Variants in KIF21A observed in about 807,000 individuals in gnomAD.
The protein encoded by KIF21A is kinesin-like protein KIF21A.
Under a neutral mutation model 202.9 loss-of-function variants are expected in KIF21A, and 114 were observed. That is an observed-to-expected ratio of 0.56 (90% CI 0.48 to 0.66). KIF21A has a LOEUF of 0.66. KIF21A is among the 30% of genes least tolerant of loss of function. KIF21A has a pLI of 0.00. For synonymous variants in KIF21A, 667 were observed against 670.8 expected (o/e 0.99, Z 0.09); for missense variants, 1,677 against 1,994.9 (o/e 0.84, Z 3.04).
chr12:39,348,327 T>C (rs1948077344), intron 11 of KIF21A, among the ~76,000 whole-genome samples: 1 of 152,134 alleles, frequency 6.6e-6, no homozygotes, highest in African/African-American at 2.4e-5. Context: ...AACTGAAAGA[T>C]ATGCCACATA....
chr12:39,429,022 TTAAATA>T (rs1954982390), intron 1 of KIF21A, among the ~76,000 whole-genome samples: 1 of 151,972 alleles, frequency 6.6e-6, no homozygotes, highest in Admixed American at 6.6e-5. Flanking sequence ...CACTTATAGT[TTAAATA>T]TAAAGTATGT....
chr12:39,351,652 C>A (rs961962434), intron 11 of KIF21A, 125 bp downstream of exon 11: 2 of 631,622 alleles, frequency 3.2e-6, no homozygotes, highest in Non-Finnish European at 5.5e-6. Context: ...GTAGTTTCAG[C>A]TAACATAGTG....
chr12:39,392,312 G>A (rs1951429274), intron 1 of KIF21A, among the ~76,000 whole-genome samples: 1 of 152,122 alleles, frequency 6.6e-6, no homozygotes. Flanking sequence ...ATAAATATAT[G>A]TCTGGCTCTT....
At chr12:39,396,361 G>T (rs928903749) in intron 1 of KIF21A, among the ~76,000 whole-genome samples, 5 of 152,128 alleles carry the variant, frequency 3.3e-5, no homozygotes, top group African/African-American at 1.2e-4. Flanking sequence ...TACACCATGA[G>T]ATCCCTAAGG....
At chr12:39,311,722 A>G in intron 31 of KIF21A, 169 bp from the exon 32 acceptor site, 1 of 670,914 alleles carries the variant, frequency 1.5e-6, no homozygotes, top group Non-Finnish European at 2.6e-6. Context: ...TGAAATAATA[A>G]TAGTGATGGA....
chr12:39,432,711 A>G (rs1039325237), intron 1 of KIF21A, among the ~76,000 whole-genome samples: 1 of 152,032 alleles, frequency 6.6e-6, no homozygotes, highest in African/African-American at 2.4e-5. Context: ...CCCGAGTTCA[A>G]GTGATTCTCT....
At chr12:39,346,185 A>G (rs1430603388) in intron 12 of KIF21A, among the ~76,000 whole-genome samples, 1 of 152,038 alleles carries the variant, frequency 6.6e-6, no homozygotes, top group Non-Finnish European at 1.5e-5. Context: ...TTTATCCTAC[A>G]AAAGGTAAGT....
chr12:39,299,339 G>GC (rs1942738868), intron 37 of KIF21A, among the ~76,000 whole-genome samples: 1 of 152,028 alleles, frequency 6.6e-6, no homozygotes, highest in Non-Finnish European at 1.5e-5. Flanking sequence ...CATACATGCC[G>GC]CTAACTAGAA....
Position 39,414,875 on chromosome 12 carries a change from T to C in KIF21A, c.44+28052A>G, listed in dbSNP as rs1461663878. Among the ~76,000 whole-genome samples, 3 of 152,022 alleles carry C rather than the reference T, an allele frequency of 2.0e-5. 1 individual carries two copies. The highest frequency in any genetic ancestry group is 6.8e-3 in the Middle Eastern group (2 of 294). ...ATAACATGATGAAGATTACTTACTA[T>C]ATACAAGGTTCTGTGCTAAACATTC... On this transcript the variant is annotated intron_variant, in intron 1 of 37. Coordinates refer to ENST00000361418, the MANE Select transcript of KIF21A (RefSeq NM_001173464.2).
intron 1 of KIF21A, among the ~76,000 whole-genome samples, chr12:39,412,496 C>T (rs905133155): frequency 2.6e-5 from 4 of 152,078 alleles, no homozygotes; most frequent in Non-Finnish European, 4.4e-5. Context: ...GTGGGCAGAT[C>T]GCTCGAGCTC....
At chr12:39,385,951 C>A (rs1159707824) in intron 1 of KIF21A, among the ~76,000 whole-genome samples, 1 of 152,158 alleles carries the variant, frequency 6.6e-6, no homozygotes, top group African/African-American at 2.4e-5. Context: ...CTGTACTTTA[C>A]AATTATCCCA....
intron 27 of KIF21A, 31 bp downstream of exon 27, chr12:39,322,637 A>C: frequency 6.4e-7 from 1 of 1,551,556 alleles, no homozygotes. Flanking sequence ...AGCCAAAAGA[A>C]AAGAAGTTAG....
chr12:39,372,940 G>A (rs549945534), intron 1 of KIF21A, among the ~76,000 whole-genome samples: 1 of 152,140 alleles, frequency 6.6e-6, no homozygotes, highest in South Asian at 2.1e-4. Flanking sequence ...TCTAATCTAA[G>A]AGCTATTCTC....
At chr12:39,315,999 G>C (rs995840894) in intron 29 of KIF21A, 29 bp from the exon 30 acceptor site, 3 of 1,517,320 alleles carry the variant, frequency 2.0e-6, no homozygotes, top group Non-Finnish European at 2.7e-6. Flanking sequence ...AATTATGAGA[G>C]AAAGAATACA....
chr12:39,443,114 G>C lies in KIF21A; in HGVS notation c.-144C>G. The C allele has an allele frequency of 1.3e-6, 1 of 799,778 alleles. No homozygotes were observed. The highest frequency in any genetic ancestry group is 1.8e-6 in the Non-Finnish European group (1 of 555,498). The allele number at this position is 799,778 out of a possible 1,614,324, so 49.5% of individuals were successfully genotyped here. A position where few individuals can be genotyped will look rare whatever the true frequency, so the allele number is the denominator to read the frequency against. ...CCTCCGCCGCGCTCCAGCCATGTTGGGCGACTGAATGGAAAGGTGGCGGCG... is the reference window on the plus strand; with the variant it reads ...CCTCCGCCGCGCTCCAGCCATGTTGCGCGACTGAATGGAAAGGTGGCGGCG... On this transcript the variant is annotated 5_prime_UTR_variant, in exon 1 of 38. Transcript: ENST00000361418.
intron 12 of KIF21A, among the ~76,000 whole-genome samples, chr12:39,342,903 C>T (rs184110825): frequency 2.6e-5 from 4 of 152,184 alleles, no homozygotes; most frequent in Admixed American, 2.6e-4. Context: ...TTAATTCAGC[C>T]CTGGTGGCCC....
At chr12:39,438,057 G>C (rs1210875846) in intron 1 of KIF21A, among the ~76,000 whole-genome samples, 1 of 152,130 alleles carries the variant, frequency 6.6e-6, no homozygotes, top group Non-Finnish European at 1.5e-5. Context: ...TCAGAAACCT[G>C]AGTTTGAGTT....
intron 1 of KIF21A, among the ~76,000 whole-genome samples, chr12:39,436,448 A>ATATTTTTTT (rs1387332677): frequency 8.4e-5 from 8 of 95,762 alleles, no homozygotes; most frequent in Non-Finnish European, 1.6e-4. Context: ...ATATATATAT[A>ATATTTTTTT]TTTTTTTTTT....
chr12:39,387,527 T>C (rs1951030894), intron 1 of KIF21A, among the ~76,000 whole-genome samples: 1 of 152,164 alleles, frequency 6.6e-6, no homozygotes, highest in Non-Finnish European at 1.5e-5. Flanking sequence ...TGACAGTTGC[T>C]AAGGACAAGT....
Sources: allele counts gnomAD v4.1 joint callset (sites outside exome capture counted in the v4.1 genomes callset), GRCh38; gene constraint gnomAD v4.1.1; transcripts MANE v1.5; gene names NCBI Gene and HGNC (gene_info 2026-07-23, HGNC 2026-07-21).